The following ABHD2 variants were observed in gnomAD, a reference collection of about 807,000 sequenced individuals.
The protein encoded by ABHD2 is abhydrolase domain containing 2, acylglycerol lipase, also known as monoacylglycerol lipase ABHD2.
In ABHD2, 20 loss-of-function variants were observed where a neutral mutation model predicts 48.1. The ratio of observed to expected loss-of-function variants is 0.42; its 90% confidence interval spans 0.29 to 0.60. The LOEUF is 0.60. ABHD2 is among the 20% of genes least tolerant of loss of function. The pLI is 0.24. For missense variants in ABHD2, 405 were observed against 550.9 expected, an observed-to-expected ratio of 0.74 and a Z score of 2.65; for synonymous variants, 209 against 214.2, an observed-to-expected ratio of 0.98 and a Z score of 0.21.
chr15:89,166,560 CAG>C lies in ABHD2; in HGVS notation c.539-9249_539-9248del, dbSNP rs1192201412. ...TGCCACTGCACTCCAGCCTGGGTGA[CAG>C]AGTGAGACCCTGTCTCAAAAACAAA... On this transcript the variant is annotated intron_variant, in intron 5 of 10. Coordinates refer to ENST00000352732, the MANE Select transcript of ABHD2 (RefSeq NM_152924.5). This position sits in a 1 kb window ranked among gnomAD's most constrained non-coding sequence, Gnocchi z 4.6. Among the ~76,000 whole-genome samples the C allele has an allele frequency of 6.6e-6, 1 of 152,134 alleles. No homozygotes were observed. Among genetic ancestry groups the C allele is most frequent in the African/African-American group, 2.4e-5 (1 of 41,422 alleles).
At position 89,176,326 on chromosome 15, in the gene ABHD2, T is replaced by G. The variant is rs755874073; in HGVS notation, c.722+331T>G. On this transcript the variant is annotated intron_variant, in intron 6 of 10. Coordinates refer to ENST00000352732, the MANE Select transcript of ABHD2 (RefSeq NM_152924.5). This position sits in a 1 kb window ranked among gnomAD's most constrained non-coding sequence, Gnocchi z 4.5. ...TCAGGAGTTTTTATAGAAACGTGGA[T>G]TAATGAAAGAGCACAGGAGACTGGC... Among the ~76,000 whole-genome samples the G allele has an allele frequency of 3.9e-5, 6 of 152,072 alleles. No homozygotes were observed. The highest frequency in any genetic ancestry group is 5.9e-5 in the Non-Finnish European group (4 of 68,022).
intron 3 of ABHD2, chr15:89,136,220 C>T: frequency 3.2e-6 from 1 of 310,860 alleles, no homozygotes. Flanking sequence ...TGAGCCACCA[C>T]ACCCAGCCTG....
Position 89,188,099 on chromosome 15 carries a change from C to G in ABHD2, c.816-94C>G. On this transcript the variant is annotated intron_variant, in intron 7 of 10. Coordinates refer to ENST00000352732, the MANE Select transcript of ABHD2 (RefSeq NM_152924.5). The surrounding 1 kb of genome is among the most constrained non-coding windows in gnomAD (Gnocchi z 4.1). ...CTATTTCTAACTGACCACGTTGGCTCTCCCTCCTGGCTTGCTGTGGCAAGG... is the reference window on the plus strand; with the variant it reads ...CTATTTCTAACTGACCACGTTGGCTGTCCCTCCTGGCTTGCTGTGGCAAGG... 2.9e-6 allele frequency: 3 copies of G among 1,033,548 alleles called. No individual in the cohort carries two copies. The highest frequency in any genetic ancestry group is 4.5e-6 in the Non-Finnish European group (3 of 670,940). 64.0% of individuals were successfully genotyped at this position (1,033,548 alleles called of 1,614,324 possible).
intron 3 of ABHD2, among the ~76,000 whole-genome samples, chr15:89,126,391 T>C (rs1365160064): frequency 6.6e-6 from 1 of 152,198 alleles, no homozygotes; most frequent in Admixed American, 6.5e-5. Flanking sequence ...TCCTTCTCAA[T>C]GTGTGGTTGA....
rs149858981 is a variant in ABHD2 at position 89,096,229 on chromosome 15, T to C, written c.-107+7666T>C. 3.0e-3 allele frequency among the ~76,000 whole-genome samples: 462 copies of C among 152,386 alleles called. 4 individuals carry two copies. The highest frequency in any genetic ancestry group is 5.2e-3 in the Non-Finnish European group (354 of 68,034). On this transcript the variant is annotated intron_variant, in intron 1 of 10. Coordinates refer to ENST00000352732, the MANE Select transcript of ABHD2 (RefSeq NM_152924.5). ...GTCTGAAAAATGGCATTAGTCTCAT[T>C]ACATTAATGTAGCTCATCTGAATTT... is the stretch of plus-strand genomic sequence containing the variant.
chr15:89,095,531 C>T (rs2049598938), intron 1 of ABHD2, among the ~76,000 whole-genome samples: 1 of 152,074 alleles, frequency 6.6e-6, no homozygotes, highest in Non-Finnish European at 1.5e-5. Flanking sequence ...GAGGTGAGAC[C>T]CCAGCAACCT....
chr15:89,180,258 T>C (rs1196109185), intron 6 of ABHD2, among the ~76,000 whole-genome samples: 1 of 152,164 alleles, frequency 6.6e-6, no homozygotes, highest in Non-Finnish European at 1.5e-5. Flanking sequence ...GCCTTGGGGC[T>C]TTTTGTGGGT....
At position 89,193,266 on chromosome 15, in the gene ABHD2, C is replaced by T. The variant is rs142991295; in HGVS notation, c.1028C>T (p.Ala343Val). Residue 343 changes from alanine (A) to valine (V), a missense_variant, in exon 10 of 11, where the codon GCT (alanine) becomes GTT (valine). Ala to Val is a moderately conservative substitution (Grantham distance 64). Transcript: ENST00000352732. ...IYVPLMLVNAADDPLVHESLL... is the reference protein window; with the variant it reads ...IYVPLMLVNAVDDPLVHESLL... Reference sequence around the variant, plus strand: ...GTTCCTCTCATGCTGGTTAATGCAGCTGACGATCCGTTGGTGCATGAAAGT... The same window carrying T: ...GTTCCTCTCATGCTGGTTAATGCAGTTGACGATCCGTTGGTGCATGAAAGT... 161 of 1,614,210 alleles carry T rather than the reference C, an allele frequency of 1.0e-4. 1 individual carries two copies. The East Asian group carries it at 3.1e-3, about 31-fold the overall frequency.
chr15:89,123,593 CTTTTTTT>C (rs138910210), intron 3 of ABHD2, among the ~76,000 whole-genome samples: 4 of 96,680 alleles, frequency 4.1e-5, no homozygotes, highest in East Asian at 5.7e-4. Context: ...TTCTTTCTTT[CTTTTTTT>C]TTTTTTTTTT....
intron 3 of ABHD2, among the ~76,000 whole-genome samples, chr15:89,133,044 T>C (rs2050244573): frequency 6.6e-6 from 1 of 152,210 alleles, no homozygotes; most frequent in African/African-American, 2.4e-5. Flanking sequence ...CCTCTTACAT[T>C]TGTGCTCAAG....
chr15:89,129,099 G>C (rs916576843), intron 3 of ABHD2, among the ~76,000 whole-genome samples: 1 of 152,188 alleles, frequency 6.6e-6, no homozygotes, highest in Admixed American at 6.5e-5. Context: ...CTTGGGGCTT[G>C]TCCACAGGAT....
rs1445953001 is a variant in ABHD2, at chr15:89,103,375, A to G, written c.-106-10350A>G. The stretch of plus-strand genomic sequence containing the variant: ...TTTTTTAGCCTACAGAATTTCATCA[A>G]CTTCTTTCCTTCAGTTACACGTAAA... On this transcript the variant is annotated intron_variant, in intron 1 of 10. Coordinates refer to ENST00000352732, the MANE Select transcript of ABHD2 (RefSeq NM_152924.5). Among the ~76,000 whole-genome samples, 3 of 152,280 alleles carry G rather than the reference A, an allele frequency of 2.0e-5. No homozygotes were observed. In the South Asian group the frequency reaches 6.2e-4, roughly 32 times the overall value.
chr15:89,191,181 T>C, intron 9 of ABHD2, 32 bp downstream of exon 9: 1 of 1,609,188 alleles, frequency 6.2e-7, no homozygotes, highest in Non-Finnish European at 8.5e-7. Flanking sequence ...AGAATCAGCA[T>C]CACTCCACCC....
intron 3 of ABHD2, among the ~76,000 whole-genome samples, chr15:89,127,594 C>T (rs996833948): frequency 2.0e-5 from 3 of 151,528 alleles, no homozygotes; most frequent in African/African-American, 7.3e-5. Flanking sequence ...AAGTGAGAAA[C>T]TCCATAAATG....
chr15:89,164,970 G>GT lies in ABHD2; in HGVS notation c.538+9438dup, dbSNP rs1288447534. ...CTTACCTCTGCATCCAGTTCATACA[G>GT]TTGACCTCATGTGAACTTTGGAATT... On this transcript the variant is annotated intron_variant, in intron 5 of 10. Coordinates refer to ENST00000352732, the MANE Select transcript of ABHD2 (RefSeq NM_152924.5). The surrounding 1 kb of genome is among the most constrained non-coding windows in gnomAD (Gnocchi z 5.0). 6.6e-6 allele frequency among the ~76,000 whole-genome samples: 1 copy of GT among 152,334 alleles called. No individual in the cohort carries two copies.
chr15:89,055,292 A>T, the ABHD2 span, among the ~76,000 whole-genome samples: 1 of 149,478 alleles, frequency 6.7e-6, no homozygotes, highest in Non-Finnish European at 1.5e-5. Flanking sequence ...TACTTTTAGG[A>T]CTATCTCCCA....
At chr15:89,169,843 G>T (rs1369234870) in intron 5 of ABHD2, among the ~76,000 whole-genome samples, 1 of 152,026 alleles carries the variant, frequency 6.6e-6, no homozygotes, top group Non-Finnish European at 1.5e-5. Context: ...CAGTCAAACT[G>T]TGCCAAAGGC....
At chr15:89,147,655 A>G (rs1336970910) in intron 3 of ABHD2, among the ~76,000 whole-genome samples, 2 of 151,742 alleles carry the variant, frequency 1.3e-5, no homozygotes, top group Admixed American at 6.6e-5. Flanking sequence ...GCCCGGCTGC[A>G]TAGCTCTTTT....
chr15:89,052,609 A>G, the ABHD2 span, among the ~76,000 whole-genome samples: 4 of 151,966 alleles, frequency 2.6e-5, no homozygotes, highest in African/African-American at 9.7e-5. Context: ...AAGCCATGTG[A>G]AGATGAGGGC....
Sources: allele counts gnomAD v4.1 joint callset (sites outside exome capture counted in the v4.1 genomes callset), GRCh38; gene constraint gnomAD v4.1.1; non-coding constraint Gnocchi (gnomAD v3.1); transcripts MANE v1.5; gene names NCBI Gene and HGNC (gene_info 2026-07-23, HGNC 2026-07-21).